HAUS7: variants seen among roughly 807,000 people sequenced by gnomAD.
HAUS7 encodes HAUS augmin like complex subunit 7.
HAUS7 carries 3 observed loss-of-function variants against 28.4 expected under a neutral mutation model. The observed-to-expected ratio is 0.11, with a 90% CI of 0.05 to 0.27. HAUS7 has a LOEUF of 0.27. Ranked by LOEUF, HAUS7 falls within the 10% of genes least tolerant of loss-of-function variation. The probability of loss-of-function intolerance (pLI) is 1.00; values close to 1 mark genes in which losing one functional copy is unlikely to be tolerated. For missense variants in HAUS7, 284 were observed against 297.3 expected, an observed-to-expected ratio of 0.96 and a Z score of 0.33; for synonymous variants, 165 against 132.1, an observed-to-expected ratio of 1.25 and a Z score of -1.71.
At chrX:153,455,973 C>T (rs1489505406) in intron 7 of HAUS7, among the ~76,000 whole-genome samples, 2 of 112,242 alleles carry the variant, frequency 1.8e-5, no homozygotes, top group Non-Finnish European at 3.8e-5. Context: ...CTGTGGGCCC[C>T]GGTCTCCTCC....
At position 153,456,541 on chromosome X, in the gene HAUS7, G is replaced by T; in HGVS notation, c.557C>A (p.Pro186His). The change falls in exon 6 of 10, where the codon CCC becomes CAC. Residue 186 changes from proline (P) to histidine (H), a missense_variant. By Grantham distance (77) the Pro-to-His change is moderately conservative. Transcript: ENST00000370211. ...MLLNPECDPWPLDMQPLLNKQ... is the reference protein window; with the variant it reads ...MLLNPECDPWHLDMQPLLNKQ... ...GTTGAGGAGGGGCTGCATGTCCAGGGGCCACGGGTCGCACTCTGGATTCAG... is the reference window on the plus strand; with the variant it reads ...GTTGAGGAGGGGCTGCATGTCCAGGTGCCACGGGTCGCACTCTGGATTCAG... 2.5e-6 allele frequency: 3 copies of T among 1,178,649 alleles called. No individual in the cohort carries two copies. In the Admixed American group the frequency reaches 7.4e-5, roughly 29 times the overall value.
chrX:153,474,982 G>C (rs1450454907), upstream of HAUS7, among the ~76,000 whole-genome samples: 2 of 110,898 alleles, frequency 1.8e-5, no homozygotes, highest in East Asian at 5.8e-4. Flanking sequence ...ACGGGAACAC[G>C]AACGTGCCCG....
chrX:153,485,151 C>G (rs1293680473), intron 1 of HAUS7, among the ~76,000 whole-genome samples: 1 of 112,055 alleles, frequency 8.9e-6, no homozygotes, highest in Non-Finnish European at 1.9e-5. Flanking sequence ...CTGAACTCCA[C>G]TATCGGACAG....
intron 1 of HAUS7, chrX:153,479,316 A>T (rs1569531585): frequency 1.3e-6 from 1 of 752,395 alleles, no homozygotes; most frequent in East Asian, 1.5e-4. Context: ...GCTGCTCAGG[A>T]GGGGCCCCAC....
chrX:153,462,551 TC>T (rs2089405096), intron 4 of HAUS7, 58 bp downstream of exon 4: 1 of 935,444 alleles, frequency 1.1e-6, no homozygotes, highest in Admixed American at 2.2e-5. Flanking sequence ...ACCATGAGGT[TC>T]CCTGCCCAGG....
rs149571166 is a variant in HAUS7 at position 153,456,581 on chromosome X, G to C, written c.517C>G (p.His173Asp). 2.6e-5 allele frequency: 30 copies of C among 1,175,489 alleles called. No individual in the cohort carries two copies. Among genetic ancestry groups the C allele is most frequent in the Non-Finnish European group, 2.9e-5 (25 of 876,093 alleles). ...TCTGGATTCAGGAGCATCTGCAGGT[G>C]GGGGCTAGAGAAGAGCTCCCCCAGC... ...ALLGELFSSP[H>D]LQMLLNPECD... Residue 173 changes from histidine (H) to aspartate (D), a missense_variant, in exon 6 of 10, where the codon CAC (histidine) becomes GAC (aspartate). His to Asp is a moderately conservative substitution (Grantham distance 81). Coordinates refer to ENST00000370211, the MANE Select transcript of HAUS7 (RefSeq NM_001385482.1).
Position 153,456,627 on chromosome X carries a change from G to T in HAUS7, c.471C>A (p.Thr157=), listed in dbSNP as rs140101665. The T allele has an allele frequency of 5.1e-6, 6 of 1,179,950 alleles. No individual in the cohort carries two copies. Among genetic ancestry groups the T allele is most frequent in the Non-Finnish European group, 6.8e-6 (6 of 878,428 alleles). ...CCAGCAAGGCCTCGTTCTTCTCCCT[G>T]GTGTCCTCGAAGTGCTCCATCAGGC... The part of the protein sequence containing the change: ...CSSLMEHFED[T]REKNEALLGE... Residue 157 remains threonine (T), a synonymous_variant, in exon 6 of 10, where the codon ACC becomes ACA. Transcript: ENST00000370211.
intron 1 of HAUS7, among the ~76,000 whole-genome samples, chrX:153,479,730 CTA>C (rs1191784931): frequency 1.8e-5 from 2 of 111,074 alleles, no homozygotes; most frequent in Non-Finnish European, 3.8e-5. Context: ...AGGACATGGG[CTA>C]TGAGTGTGGC....
At chrX:153,481,072 C>T (rs2089596674) in intron 1 of HAUS7, 1 of 715,109 alleles carries the variant, frequency 1.4e-6, no homozygotes, top group Non-Finnish European at 1.7e-6. Flanking sequence ...GACAGGACCA[C>T]GCATGAGTTT....
At chrX:153,495,074 G>T (rs5945197) in intron 1 of HAUS7, 34,255 of 108,973 alleles carry the variant, frequency 0.31, 4,714 homozygotes, top group Non-Finnish European at 0.43. Context: ...ACCCCAGCCC[G>T]CCAACTAGTC....
chrX:153,449,907 GTC>G (rs1406451792), intron 9 of HAUS7, among the ~76,000 whole-genome samples: 2 of 112,466 alleles, frequency 1.8e-5, no homozygotes, highest in African/African-American at 3.2e-5. Flanking sequence ...TTCGTTTCTA[GTC>G]TCTTTGTGGC....
upstream of HAUS7, among the ~76,000 whole-genome samples, chrX:153,471,946 A>G (rs1441989989): frequency 3.6e-5 from 4 of 111,590 alleles, no homozygotes; most frequent in African/African-American, 9.8e-5. Context: ...ATTTTTTTTT[A>G]AGCGTTTTTT....
chrX:153,459,216 CTT>C (rs1556982881), intron 4 of HAUS7, among the ~76,000 whole-genome samples: 1 of 111,968 alleles, frequency 8.9e-6, no homozygotes, highest in African/African-American at 3.3e-5. Context: ...TATTCGGACA[CTT>C]TGTCCATTTT....
intron 9 of HAUS7, among the ~76,000 whole-genome samples, chrX:153,452,934 C>T (rs2089257376): frequency 8.9e-6 from 1 of 112,036 alleles, no homozygotes; most frequent in Admixed American, 9.5e-5. Context: ...TGAGCTGAGA[C>T]TGCACTCCAG....
chrX:153,485,942 C>T, intron 1 of HAUS7: 1 of 970,864 alleles, frequency 1.0e-6, no homozygotes. Context: ...CCACAACAGG[C>T]TGCAGGCTGA....
intron 1 of HAUS7, chrX:153,482,738 G>A (rs2089608717): frequency 1.3e-6 from 1 of 756,763 alleles, no homozygotes; most frequent in Non-Finnish European, 1.6e-6. Context: ...TGTTGACGCT[G>A]GAGGTGGAAG....
rs142520921 is a variant in HAUS7 at position 153,479,514 on chromosome X, G to A, written c.-588-8369C>T. On this transcript the variant is annotated intron_variant, in intron 1 of 5. Coordinates refer to the HAUS7 transcript ENST00000370210. ...GAGCCCTCCCTGGAGGGCGAGGGGTGTGCGCAGACTCTAGGGGCGAGGGAG... is the reference window on the plus strand; with the variant it reads ...GAGCCCTCCCTGGAGGGCGAGGGGTATGCGCAGACTCTAGGGGCGAGGGAG... 3,385 of 356,161 alleles carry A rather than the reference G, an allele frequency of 9.5e-3. 96 individuals are homozygous for A. Among genetic ancestry groups the A allele is most frequent in the African/African-American group, 0.089 (3,164 of 35,700 alleles). The allele number at this position is 356,161 out of a possible 1,213,427, so 29.4% of individuals were successfully genotyped here. A position where few individuals can be genotyped will look rare whatever the true frequency, so the allele number is the denominator to read the frequency against.
rs782597554 is a variant in HAUS7 at position 153,458,995 on chromosome X, C to T, written c.355-1767G>A. Among the ~76,000 whole-genome samples, 197 of 111,858 alleles carry T rather than the reference C, an allele frequency of 1.8e-3. 1 individual carries two copies. The highest frequency in any genetic ancestry group is 6.1e-3 in the African/African-American group (187 of 30,773). ...CTGGTCTTAAACTCCTGAGCTCAAG[C>T]GATCCTCCTGCCTCGGCCTCCCAAA... On this transcript the variant is annotated intron_variant, in intron 4 of 9. Coordinates refer to ENST00000370211, the MANE Select transcript of HAUS7 (RefSeq NM_001385482.1).
upstream of HAUS7, among the ~76,000 whole-genome samples, chrX:153,472,441 CACCACCT>C (rs1243623149): frequency 0.12 from 10,872 of 90,471 alleles, 864 homozygotes; most frequent in East Asian, 0.47. Flanking sequence ...ACCCACCACC[CACCACCT>C]GCCACCCACC....
Sources: gnomAD v4.1 joint callset for allele counts (sites outside exome capture counted in the v4.1 genomes callset) on GRCh38, gnomAD v4.1.1 for gene constraint, MANE v1.5 for transcripts, NCBI Gene and HGNC (gene_info 2026-07-23, HGNC 2026-07-21) for gene names.